The following XRCC4 variants were observed in gnomAD, a reference collection of about 807,000 sequenced individuals.
The protein encoded by XRCC4 is X-ray repair cross complementing 4.
Under a neutral mutation model 39.1 loss-of-function variants are expected in XRCC4, and 28 were observed. The ratio of observed to expected loss-of-function variants is 0.72; its 90% CI spans 0.53 to 0.98. The LOEUF (loss-of-function observed/expected upper bound fraction) is 0.98, where lower values mean the gene tolerates loss of function less well. XRCC4 is among the 50% of genes least tolerant of loss of function. The pLI is 0.00. For missense variants in XRCC4, 350 were observed against 376.4 expected, an observed-to-expected ratio of 0.93 and a Z score of 0.58; for synonymous variants, 123 against 126.4, an observed-to-expected ratio of 0.97 and a Z score of 0.18.
intron 6 of XRCC4, among the ~76,000 whole-genome samples, chr5:83,251,842 G>T (rs893259930): frequency 5.9e-5 from 9 of 152,076 alleles, no homozygotes; most frequent in African/African-American, 2.2e-4. Context: ...TTGGTGCTAT[G>T]TTAATAATCA....
chr5:83,215,976 TAAAA>T (rs149741874), intron 6 of XRCC4, among the ~76,000 whole-genome samples: 2 of 151,808 alleles, frequency 1.3e-5, no homozygotes, highest in South Asian at 4.2e-4. Flanking sequence ...TTCGTCAAAA[TAAAA>T]AAAATTCTGC....
In XRCC4 at chr5:83,280,926, A is replaced by G. The variant is rs1483764307; in HGVS notation, c.893+22249A>G. Among the ~76,000 whole-genome samples, 4 of 152,240 alleles carry G rather than the reference A, an allele frequency of 2.6e-5. No homozygotes were observed. In the East Asian group the frequency reaches 5.8e-4, roughly 22 times the overall value. The stretch of plus-strand genomic sequence containing the variant: ...GTATCTCATCAGGATTTCTCTACAT[A>G]TCCTCTTTCCTGGAGTTTCTTTTAG... On this transcript the variant is annotated intron_variant, in intron 7 of 7. Coordinates refer to ENST00000396027, the MANE Select transcript of XRCC4 (RefSeq NM_003401.5).
intron 7 of XRCC4, among the ~76,000 whole-genome samples, chr5:83,295,392 C>T (rs1032170983): frequency 6.6e-6 from 1 of 152,014 alleles, no homozygotes; most frequent in Non-Finnish European, 1.5e-5. Flanking sequence ...GCACCCACGT[C>T]GTCATCATAG....
At chr5:83,225,770 A>C (rs1720380663) in intron 6 of XRCC4, among the ~76,000 whole-genome samples, 1 of 151,882 alleles carries the variant, frequency 6.6e-6, no homozygotes. Context: ...TCAATTAGCC[A>C]CTGGAGATGT....
At chr5:83,113,423 C>G (rs571494362) in intron 3 of XRCC4, among the ~76,000 whole-genome samples, 1 of 152,274 alleles carries the variant, frequency 6.6e-6, no homozygotes, top group East Asian at 1.9e-4. Flanking sequence ...GGGCACAGTG[C>G]AAGCTGTCGG....
intron 2 of XRCC4, among the ~76,000 whole-genome samples, chr5:83,110,250 A>T (rs1746381016): frequency 6.6e-6 from 1 of 152,008 alleles, no homozygotes; most frequent in Admixed American, 6.6e-5. Flanking sequence ...CATAATTTAT[A>T]CCCCAGGAGC....
At chr5:83,144,847 C>A (rs1580287052) in intron 3 of XRCC4, among the ~76,000 whole-genome samples, 2 of 152,006 alleles carry the variant, frequency 1.3e-5, no homozygotes. Context: ...TTGTTTATAG[C>A]CTTTATTTCC....
chr5:83,157,348 T>C (rs1002125549), intron 3 of XRCC4, among the ~76,000 whole-genome samples: 5 of 152,076 alleles, frequency 3.3e-5, no homozygotes, highest in African/African-American at 1.2e-4. Flanking sequence ...AAAAGTTACT[T>C]CATGTGTTTG....
At chr5:83,346,330 G>T (rs1371412350) in intron 7 of XRCC4, among the ~76,000 whole-genome samples, 1 of 152,078 alleles carries the variant, frequency 6.6e-6, no homozygotes, top group Non-Finnish European at 1.5e-5. Flanking sequence ...AAGAAACTGA[G>T]GTCCAGCAGT....
intron 7 of XRCC4, among the ~76,000 whole-genome samples, chr5:83,289,434 G>T (rs1011726292): frequency 6.6e-6 from 1 of 151,860 alleles, no homozygotes; most frequent in Admixed American, 6.6e-5. Flanking sequence ...TATATTTAAT[G>T]TTTGTTGTAG....
chr5:83,136,526 T>G lies in XRCC4; in HGVS notation c.315+25323T>G, dbSNP rs191601225. The stretch of plus-strand genomic sequence containing the variant: ...TTTTGACTATCATCGTTCCCCAACT[T>G]TAATAAAAACTTGCTATTAATTATT... On this transcript the variant is annotated intron_variant, in intron 3 of 7. Transcript: ENST00000396027. Among the ~76,000 whole-genome samples the G allele has an allele frequency of 3.4e-3, 516 of 152,314 alleles. 1 individual carries two copies. Among genetic ancestry groups the G allele is most frequent in the African/African-American group, 0.011 (478 of 41,580 alleles).
intron 3 of XRCC4, among the ~76,000 whole-genome samples, chr5:83,119,838 A>G (rs1017829860): frequency 3.3e-5 from 5 of 152,042 alleles, no homozygotes; most frequent in Admixed American, 2.6e-4. Flanking sequence ...TTAGCTGGGC[A>G]TGGTGGGACA....
At position 83,203,568 on chromosome 5, in the gene XRCC4, A is replaced by G; in HGVS notation, c.499A>G (p.Ser167Gly). Residue 167 changes from serine to glycine, a missense_variant, in exon 5 of 8, where the codon AGT (serine) becomes GGT (glycine). Coordinates refer to ENST00000396027, the MANE Select transcript of XRCC4 (RefSeq NM_003401.5). ...CTTTTTTAGATTTGAAAAATGTGTG[A>G]GTGCTAAGGAAGCTTTGGAGACTGA... ...DVQGRFEKCVSAKEALETDLY... is the reference protein window; with the variant it reads ...DVQGRFEKCVGAKEALETDLY... 1 of 1,584,990 alleles carries G rather than the reference A, an allele frequency of 6.3e-7. No homozygotes were observed. Among genetic ancestry groups the G allele is most frequent in the Non-Finnish European group, 8.5e-7 (1 of 1,171,050 alleles).
intron 3 of XRCC4, among the ~76,000 whole-genome samples, chr5:83,127,854 T>G (rs1747348349): frequency 6.6e-6 from 1 of 150,704 alleles, no homozygotes; most frequent in Admixed American, 6.6e-5. Context: ...AAAGTTATTT[T>G]CACTGGGTAG....
At chr5:83,102,016 C>G (rs1745964287) in intron 1 of XRCC4, among the ~76,000 whole-genome samples, 1 of 151,960 alleles carries the variant, frequency 6.6e-6, no homozygotes, top group African/African-American at 2.4e-5. Context: ...GATGTAGCTG[C>G]CAAAAACATA....
intron 6 of XRCC4, among the ~76,000 whole-genome samples, chr5:83,242,472 G>A (rs1031322279): frequency 6.6e-6 from 1 of 151,332 alleles, no homozygotes; most frequent in Non-Finnish European, 1.5e-5. Flanking sequence ...TTGCCACAGG[G>A]TCTCACTTTG....
chr5:83,100,961 T>C (rs528118349), intron 1 of XRCC4, among the ~76,000 whole-genome samples: 273 of 152,248 alleles, frequency 1.8e-3, no homozygotes, highest in Non-Finnish European at 3.5e-3. Flanking sequence ...AAGGACCTTA[T>C]TGTAGGAGAA....
At chr5:83,215,766 A>T (rs996552123) in intron 6 of XRCC4, among the ~76,000 whole-genome samples, 1 of 152,184 alleles carries the variant, frequency 6.6e-6, no homozygotes, top group African/African-American at 2.4e-5. Flanking sequence ...ACAATTGGGT[A>T]TCGACTTGAA....
chr5:83,126,744 G>A (rs1747285359), intron 3 of XRCC4, among the ~76,000 whole-genome samples: 1 of 152,200 alleles, frequency 6.6e-6, no homozygotes, highest in African/African-American at 2.4e-5. Flanking sequence ...TTTTAAATGT[G>A]TGAGAGCTGT....
Sources: allele counts gnomAD v4.1 joint callset (sites outside exome capture counted in the v4.1 genomes callset), GRCh38; gene constraint gnomAD v4.1.1; transcripts MANE v1.5; gene names NCBI Gene and HGNC (gene_info 2026-07-23, HGNC 2026-07-21).